The following MTRF1 variants were observed in gnomAD, a reference collection of about 807,000 sequenced individuals.
The protein encoded by MTRF1 is peptide chain release factor 1, mitochondrial.
MTRF1 carries 51 observed loss-of-function variants against 62.9 expected under a neutral mutation model. The observed-to-expected ratio is 0.81, with a 90% CI of 0.65 to 1.02. The LOEUF (loss-of-function observed/expected upper bound fraction) is 1.02, where lower values mean the gene tolerates loss of function less well. Ranked by LOEUF, MTRF1 falls within the 50% of genes least tolerant of loss-of-function variation. The probability of loss-of-function intolerance (pLI) is 0.00; values close to 1 mark genes in which losing one functional copy is unlikely to be tolerated. For missense variants in MTRF1, 446 were observed against 530.0 expected (o/e 0.84, Z 1.56); for synonymous variants, 158 against 181.9 (o/e 0.87, Z 1.06).
At chr13:41,239,038 T>C (rs2037119073) in intron 6 of MTRF1, among the ~76,000 whole-genome samples, 1 of 151,946 alleles carries the variant, frequency 6.6e-6, no homozygotes, top group Non-Finnish European at 1.5e-5. Flanking sequence ...GTTGGGAGAC[T>C]GTTCTAAACT....
chr13:41,253,051 T>C, intron 3 of MTRF1, 21 bp from the exon 4 acceptor site: 1 of 1,546,220 alleles, frequency 6.5e-7, no homozygotes, highest in South Asian at 1.2e-5. Flanking sequence ...AATCAGCATT[T>C]GTGTGTATAT....
intron 5 of MTRF1, among the ~76,000 whole-genome samples, chr13:41,249,502 C>G (rs989400696): frequency 1.3e-5 from 2 of 151,550 alleles, no homozygotes; most frequent in African/African-American, 4.9e-5. Flanking sequence ...TATCACGCCA[C>G]TGCACTCCAG....
the MTRF1 span, among the ~76,000 whole-genome samples, chr13:41,295,053 A>G: frequency 0.052 from 7,982 of 152,252 alleles, 278 homozygotes; most frequent in Non-Finnish European, 0.073. Flanking sequence ...ACCTTGCTGC[A>G]TGTGATTTGC....
At chr13:41,300,327 T>C in the MTRF1 span, among the ~76,000 whole-genome samples, 41 of 151,418 alleles carry the variant, frequency 2.7e-4, no homozygotes, top group East Asian at 7.7e-4. Context: ...TGGCTCACGC[T>C]AGTAATCCCA....
the MTRF1 span, among the ~76,000 whole-genome samples, chr13:41,286,411 G>A: frequency 6.6e-6 from 1 of 152,154 alleles, no homozygotes; most frequent in African/African-American, 2.4e-5. Context: ...GACTGAAGGT[G>A]CACCATCTCT....
At chr13:41,225,808 TAA>T (rs11368326) in intron 8 of MTRF1, among the ~76,000 whole-genome samples, 7,184 of 121,064 alleles carry the variant, frequency 0.059, 218 homozygotes, top group Non-Finnish European at 0.085. Flanking sequence ...ACTCTGTCAT[TAA>T]AAAAAAAAAA....
the MTRF1 span, among the ~76,000 whole-genome samples, chr13:41,293,058 A>G: frequency 6.6e-6 from 1 of 152,250 alleles, no homozygotes; most frequent in South Asian, 2.1e-4. Context: ...CAATTTAGTC[A>G]GAAATATAAT....
the MTRF1 span, chr13:41,311,114 G>T: frequency 3.6e-6 from 1 of 274,414 alleles, no homozygotes; most frequent in Admixed American, 5.2e-5. Flanking sequence ...CCCAGGGGGT[G>T]CCGAGATTGC....
intron 5 of MTRF1, among the ~76,000 whole-genome samples, chr13:41,244,583 C>A (rs976058488): frequency 6.6e-6 from 1 of 152,186 alleles, no homozygotes; most frequent in Non-Finnish European, 1.5e-5. Flanking sequence ...TGATCAATAG[C>A]ATATGGTATG....
chr13:41,284,720 A>G, the MTRF1 span, among the ~76,000 whole-genome samples: 1 of 152,030 alleles, frequency 6.6e-6, no homozygotes, highest in Non-Finnish European at 1.5e-5. Context: ...GTGGCGTGAT[A>G]TCAACTCACT....
intron 6 of MTRF1, 87 bp from the exon 7 acceptor site, chr13:41,234,094 GT>G (rs1379582134): frequency 1.2e-5 from 13 of 1,048,250 alleles, no homozygotes; most frequent in East Asian, 2.4e-5. Context: ...AAACTGTATT[GT>G]TTTAAGATAA....
At chr13:41,277,907 T>C in the MTRF1 span, among the ~76,000 whole-genome samples, 3 of 152,238 alleles carry the variant, frequency 2.0e-5, no homozygotes, top group Non-Finnish European at 2.9e-5. Flanking sequence ...TTGGGGATTT[T>C]AGGAGTTATA....
At chr13:41,271,901 G>A in the MTRF1 span, among the ~76,000 whole-genome samples, 1 of 152,114 alleles carries the variant, frequency 6.6e-6, no homozygotes, top group Admixed American at 6.6e-5. Flanking sequence ...AAGGAATAGA[G>A]AAGACCCTTT....
intron 6 of MTRF1, among the ~76,000 whole-genome samples, chr13:41,239,346 G>A (rs918224412): frequency 3.3e-5 from 5 of 152,134 alleles, no homozygotes; most frequent in African/African-American, 1.2e-4. Flanking sequence ...CATAGGTAAT[G>A]GTAGTGTGCT....
intron 5 of MTRF1, among the ~76,000 whole-genome samples, chr13:41,250,671 G>A (rs1593951367): frequency 1.3e-5 from 2 of 151,958 alleles, no homozygotes; most frequent in South Asian, 4.1e-4. Context: ...TTTTTGTATT[G>A]TTAGTACAGA....
intron 6 of MTRF1, among the ~76,000 whole-genome samples, chr13:41,237,591 G>A (rs1267302035): frequency 6.6e-6 from 1 of 152,042 alleles, no homozygotes; most frequent in Non-Finnish European, 1.5e-5. Flanking sequence ...CCGCCTCATG[G>A]GCTCAAGCAA....
At chr13:41,233,077 G>C (rs2035878109) in intron 7 of MTRF1, among the ~76,000 whole-genome samples, 1 of 151,796 alleles carries the variant, frequency 6.6e-6, no homozygotes, top group African/African-American at 2.4e-5. Flanking sequence ...TATATAAGAA[G>C]GGCAAAATTC....
upstream of MTRF1, among the ~76,000 whole-genome samples, chr13:41,265,902 T>G (rs566102876): frequency 6.6e-6 from 1 of 152,248 alleles, no homozygotes; most frequent in South Asian, 2.1e-4. Context: ...CAGGCTGGAG[T>G]GCAGTGGCCT....
At chr13:41,290,575 A>G in the MTRF1 span, among the ~76,000 whole-genome samples, 1 of 147,902 alleles carries the variant, frequency 6.8e-6, no homozygotes, top group Non-Finnish European at 1.5e-5. Flanking sequence ...TTGTATTTTT[A>G]GTAGAGATGG....
Sources: allele counts gnomAD v4.1 joint callset (sites outside exome capture counted in the v4.1 genomes callset), GRCh38; gene constraint gnomAD v4.1.1; transcripts MANE v1.5; gene names NCBI Gene and HGNC (gene_info 2026-07-23, HGNC 2026-07-21).